The following FMN2 variants were observed in gnomAD, a reference collection of about 807,000 sequenced individuals.
The protein encoded by FMN2 is formin 2, also known as formin-2.
Under a neutral mutation model 142.3 loss-of-function variants are expected in FMN2, and 51 were observed. The observed-to-expected ratio is 0.36, with a 90% confidence interval of 0.29 to 0.45. The LOEUF (loss-of-function observed/expected upper bound fraction) is 0.45. FMN2 is among the 20% of genes least tolerant of loss of function. The pLI, the probability that FMN2 is intolerant of heterozygous loss-of-function variation, is 1.00. For synonymous variants in FMN2, 882 were observed against 869.8 expected (o/e 1.01, Z -0.25); for missense variants, 1,936 against 2,122.8 (o/e 0.91, Z 1.73).
intron 8 of FMN2, among the ~76,000 whole-genome samples, chr1:240,312,697 T>A (rs1017189533): frequency 6.6e-6 from 1 of 152,232 alleles, no homozygotes; most frequent in East Asian, 1.9e-4. Flanking sequence ...AGTAATTCTG[T>A]GATCAGATGT....
intron 6 of FMN2, among the ~76,000 whole-genome samples, chr1:240,224,209 A>G (rs1667220565): frequency 6.6e-6 from 1 of 152,168 alleles, no homozygotes; most frequent in Admixed American, 6.5e-5. Flanking sequence ...GTTTCAAAGA[A>G]CTTATTTATT....
intron 8 of FMN2, among the ~76,000 whole-genome samples, chr1:240,309,207 T>C (rs1460828772): frequency 6.6e-6 from 1 of 152,170 alleles, no homozygotes; most frequent in Non-Finnish European, 1.5e-5. Flanking sequence ...TCGGATAAGC[T>C]TGGAAGGGGG....
chr1:240,226,092 C>A (rs963517282), intron 6 of FMN2, among the ~76,000 whole-genome samples: 1 of 151,908 alleles, frequency 6.6e-6, no homozygotes, highest in African/African-American at 2.4e-5. Context: ...TGAACTATAT[C>A]CAAAGGAGAG....
intron 13 of FMN2, among the ~76,000 whole-genome samples, chr1:240,342,854 A>G (rs561680956): frequency 6.6e-6 from 1 of 152,326 alleles, no homozygotes; most frequent in South Asian, 2.1e-4. Context: ...AATAACCACT[A>G]TACAGTATAC....
intron 2 of FMN2, among the ~76,000 whole-genome samples, chr1:240,163,216 G>C (rs185666396): frequency 5.9e-5 from 9 of 152,186 alleles, no homozygotes; most frequent in African/African-American, 2.2e-4. Flanking sequence ...TAAATGTTTT[G>C]CTTCAGTCCA....
chr1:240,121,637 C>T lies in FMN2; in HGVS notation c.1616-1542C>T, dbSNP rs151169087. Among the ~76,000 whole-genome samples the T allele has an allele frequency of 2.7e-5, 4 of 150,008 alleles. No individual in the cohort carries two copies. The East Asian group carries it at 7.9e-4, about 30-fold the overall frequency. On this transcript the variant is annotated intron_variant, in intron 1 of 17. Coordinates refer to ENST00000319653, the MANE Select transcript of FMN2 (RefSeq NM_020066.5). ...ATCTCCTGACCTCGTGATCCGCCAG[C>T]CTCGGCCTCCCAAAGTGCTGGGATT...
Position 240,258,782 on chromosome 1 carries a change from G to T in FMN2, c.4153+750G>T, listed in dbSNP as rs148125187. ...ACTGCCCAAAGGTGAATAGAGTAAT[G>T]AAGTGTAAATTCAGAGTGTCCCTTA... On this transcript the variant is annotated intron_variant, in intron 7 of 17. Transcript: ENST00000319653. Among the ~76,000 whole-genome samples, 1,281 of 152,272 alleles carry T rather than the reference G, an allele frequency of 8.4e-3. 23 individuals carry two copies. Among genetic ancestry groups the T allele is most frequent in the African/African-American group, 0.029 (1,201 of 41,562 alleles).
intron 16 of FMN2, among the ~76,000 whole-genome samples, chr1:240,468,238 A>ATATG (rs1676689218): frequency 7.9e-6 from 1 of 127,012 alleles, no homozygotes; most frequent in African/African-American, 3.4e-5. Context: ...GTGTGTATTC[A>ATATG]CACACACACA....
intron 16 of FMN2, among the ~76,000 whole-genome samples, chr1:240,456,673 C>T (rs910256619): frequency 6.6e-6 from 1 of 152,106 alleles, no homozygotes; most frequent in Non-Finnish European, 1.5e-5. Flanking sequence ...TCAGACTGGT[C>T]GCGAACTCCC....
rs142483564 is a variant in FMN2 at position 240,169,047 on chromosome 1, C to G, written c.1783-8874C>G. Among the ~76,000 whole-genome samples the G allele has an allele frequency of 1.2e-4, 18 of 152,140 alleles. No homozygotes were observed. In the East Asian group the frequency reaches 3.3e-3, roughly 28 times the overall value. On this transcript the variant is annotated intron_variant, in intron 2 of 17. Transcript: ENST00000319653. ...CCGATATGGTGAAACCCCGTCTTTA[C>G]TAAAAATACAAAAATTAGCTGGGCG...
At chr1:240,197,009 G>T (rs879154080) in intron 4 of FMN2, among the ~76,000 whole-genome samples, 1 of 152,148 alleles carries the variant, frequency 6.6e-6, no homozygotes, top group Non-Finnish European at 1.5e-5. Flanking sequence ...AAGAGGTTAA[G>T]TGTCTTTTTA....
intron 7 of FMN2, among the ~76,000 whole-genome samples, chr1:240,266,366 C>G (rs1233900399): frequency 6.6e-6 from 1 of 151,850 alleles, no homozygotes; most frequent in Non-Finnish European, 1.5e-5. Context: ...GAGTCCTTTC[C>G]CCATTGCTTA....
chr1:240,331,426 C>T (rs113094230), intron 11 of FMN2, among the ~76,000 whole-genome samples: 57 of 151,820 alleles, frequency 3.8e-4, no homozygotes, highest in African/African-American at 1.1e-3. Context: ...AAGTCTGAGA[C>T]GGTAAACTTA....
intron 7 of FMN2, among the ~76,000 whole-genome samples, chr1:240,270,027 T>C (rs897993986): frequency 1.3e-5 from 2 of 152,074 alleles, no homozygotes; most frequent in African/African-American, 4.8e-5. Context: ...TTATTTATTT[T>C]TCTTGCCTAA....
At position 240,177,915 on chromosome 1, in the gene FMN2, A is replaced by G. The variant is rs1332345224; in HGVS notation, c.1783-6A>G. ...GCATTTCAACATTTTTTATTTTTAA[A>G]TATAGCAAGATCAACTTTATACCTG... is the stretch of plus-strand genomic sequence containing the variant. On this transcript the variant is annotated splice_region_variant and splice_polypyrimidine_tract_variant and intron_variant, in intron 2 of 17. Coordinates refer to ENST00000319653, the MANE Select transcript of FMN2 (RefSeq NM_020066.5). 17 of 1,548,262 alleles carry G rather than the reference A, an allele frequency of 1.1e-5. No individual in the cohort carries two copies. The highest frequency in any genetic ancestry group is 1.5e-5 in the Non-Finnish European group (17 of 1,153,198).
At chr1:240,127,661 T>G (rs577461221) in intron 2 of FMN2, among the ~76,000 whole-genome samples, 131 of 152,236 alleles carry the variant, frequency 8.6e-4, no homozygotes, top group Non-Finnish European at 1.5e-3. Flanking sequence ...AAGTTGTTGT[T>G]ATAGACAGGG....
intron 2 of FMN2, among the ~76,000 whole-genome samples, chr1:240,176,971 TC>T (rs1219057236): frequency 1.3e-5 from 2 of 152,300 alleles, no homozygotes; most frequent in African/African-American, 4.8e-5. Context: ...AATAGCAACA[TC>T]CATCCGATAA....
intron 6 of FMN2, among the ~76,000 whole-genome samples, chr1:240,224,130 A>G (rs563591976): frequency 3.9e-5 from 6 of 152,080 alleles, no homozygotes; most frequent in African/African-American, 1.4e-4. Flanking sequence ...AGTGCTATAA[A>G]TTTCCCTCTT....
At chr1:240,315,831 TA>T (rs1670763482) in intron 8 of FMN2, among the ~76,000 whole-genome samples, 2 of 152,200 alleles carry the variant, frequency 1.3e-5, no homozygotes, top group East Asian at 3.9e-4. Flanking sequence ...CAACAAGTAG[TA>T]TATAGACCAC....
Sources: gnomAD v4.1 joint callset for allele counts (sites outside exome capture counted in the v4.1 genomes callset) on GRCh38, gnomAD v4.1.1 for gene constraint, MANE v1.5 for transcripts, NCBI Gene and HGNC (gene_info 2026-07-23, HGNC 2026-07-21) for gene names.